UBE2E2: variants seen among roughly 807,000 people sequenced by gnomAD.
UBE2E2 encodes ubiquitin-conjugating enzyme E2 E2.
In UBE2E2, 6 loss-of-function variants were observed where a neutral mutation model predicts 24.7. The ratio of observed to expected loss-of-function variants is 0.24; its 90% confidence interval spans 0.13 to 0.48. The LOEUF is 0.48. Among genes scored for constraint, UBE2E2 ranks in the 20% least tolerant of loss-of-function variants. The pLI is 0.99. For synonymous variants in UBE2E2, 104 were observed against 83.6 expected (o/e 1.24, Z -1.33); for missense variants, 169 against 245.0 (o/e 0.69, Z 2.07).
chr3:23,294,123 C>T (rs765882572), intron 3 of UBE2E2, among the ~76,000 whole-genome samples: 1 of 152,044 alleles, frequency 6.6e-6, no homozygotes, highest in African/African-American at 2.4e-5. Flanking sequence ...AAACTAATTC[C>T]GCAAGAATAA....
At chr3:23,246,241 G>A (rs1185484872) in intron 3 of UBE2E2, among the ~76,000 whole-genome samples, 1 of 24,130 alleles carries the variant, frequency 4.1e-5, no homozygotes, top group African/African-American at 7.9e-4. Context: ...TTTTTTTCGA[G>A]ATGGAGTCTC....
rs150734602 is a variant in UBE2E2 at position 23,588,562 on chromosome 3, A to G, written c.509-1172A>G. The stretch of plus-strand genomic sequence containing the variant: ...CTCTTAAAGTGCTAATATTACAAGC[A>G]TGAGCCACCGTGCCCCAATTTTTTT... On this transcript the variant is annotated intron_variant, in intron 5 of 5. Coordinates refer to ENST00000396703, the MANE Select transcript of UBE2E2 (RefSeq NM_152653.4). Among the ~76,000 whole-genome samples, 267 of 152,142 alleles carry G rather than the reference A, an allele frequency of 1.8e-3. 1 individual carries two copies. The highest frequency in any genetic ancestry group is 6.2e-3 in the African/African-American group (257 of 41,518).
intron 3 of UBE2E2, among the ~76,000 whole-genome samples, chr3:23,255,960 G>T (rs9861406): frequency 1.4e-3 from 209 of 152,284 alleles, no homozygotes; most frequent in Middle Eastern, 0.01. Flanking sequence ...GGGCAACACG[G>T]CAAGACTCTG....
chr3:23,521,725 TG>T (rs1694872534), intron 4 of UBE2E2, among the ~76,000 whole-genome samples: 1 of 152,174 alleles, frequency 6.6e-6, no homozygotes, highest in African/African-American at 2.4e-5. Context: ...TTTGTTTGTT[TG>T]TTTTAGCTCA....
chr3:23,252,519 C>T (rs542115487), intron 3 of UBE2E2, among the ~76,000 whole-genome samples: 14 of 152,094 alleles, frequency 9.2e-5, no homozygotes, highest in East Asian at 1.9e-4. Context: ...TTTTTTGAGA[C>T]GGAGTCTAGC....
rs1454869255 is a variant in UBE2E2 at position 23,589,920 on chromosome 3, CTTATTT to C, written c.*91_*96del. The C allele has an allele frequency of 4.1e-6, 5 of 1,225,064 alleles. No individual in the cohort carries two copies. The African/African-American group carries it at 7.5e-5, about 18-fold the overall frequency. 75.9% of individuals were successfully genotyped at this position (1,225,064 alleles called of 1,614,324 possible). On this transcript the variant is annotated 3_prime_UTR_variant, in exon 6 of 6. Transcript: ENST00000396703. The surrounding 1 kb of genome is among the most constrained non-coding windows in gnomAD (Gnocchi z 4.1). Reference sequence around the variant, plus strand: ...CTGCCCACCCCTCCAGACCTCGGTTCTTATTTTCCTATTTTTATTAAATTTGGAACC... The same window carrying C: ...CTGCCCACCCCTCCAGACCTCGGTTCTCCTATTTTTATTAAATTTGGAACC...
At chr3:23,491,674 T>G (rs1699498944) in intron 3 of UBE2E2, among the ~76,000 whole-genome samples, 1 of 152,182 alleles carries the variant, frequency 6.6e-6, no homozygotes, top group South Asian at 2.1e-4. Flanking sequence ...AGCCAATTCT[T>G]TATGAAAGAC....
intron 5 of UBE2E2, among the ~76,000 whole-genome samples, chr3:23,577,770 C>G (rs576362990): frequency 6.6e-6 from 1 of 152,138 alleles, no homozygotes; most frequent in African/African-American, 2.4e-5. Context: ...AAATCAATGC[C>G]TGGCTACACA....
chr3:23,360,091 C>T (rs1273174672), intron 3 of UBE2E2, among the ~76,000 whole-genome samples: 1 of 152,104 alleles, frequency 6.6e-6, no homozygotes, highest in Non-Finnish European at 1.5e-5. Context: ...GAAATAGTAT[C>T]CCCAAATGGA....
chr3:23,493,532 C>T (rs1248035520), intron 3 of UBE2E2, among the ~76,000 whole-genome samples: 3 of 151,738 alleles, frequency 2.0e-5, no homozygotes, highest in Admixed American at 2.0e-4. Flanking sequence ...GGTTTTTTTT[C>T]TTATTTAAAA....
intron 3 of UBE2E2, among the ~76,000 whole-genome samples, chr3:23,463,084 G>T (rs1698844343): frequency 6.6e-6 from 1 of 152,102 alleles, no homozygotes; most frequent in Non-Finnish European, 1.5e-5. Flanking sequence ...ACGCTAAAAG[G>T]AGATCAGTAA....
chr3:23,498,356 C>T (rs1197994434), intron 3 of UBE2E2, among the ~76,000 whole-genome samples: 7 of 152,014 alleles, frequency 4.6e-5, no homozygotes, highest in Non-Finnish European at 8.8e-5. Context: ...TTTCCTAGTC[C>T]CATCAGTTGA....
intron 3 of UBE2E2, among the ~76,000 whole-genome samples, chr3:23,467,924 T>G (rs1026865028): frequency 6.6e-6 from 1 of 152,030 alleles, no homozygotes; most frequent in Non-Finnish European, 1.5e-5. Context: ...GCTACAAACT[T>G]TCAAACAACC....
In UBE2E2 at chr3:23,441,538, C is replaced by CAAAAAA. The variant is rs147766521; in HGVS notation, c.228-58059_228-58054dup. 2.2e-3 allele frequency among the ~76,000 whole-genome samples: 210 copies of CAAAAAA among 95,770 alleles called. 3 individuals carry two copies. Among genetic ancestry groups the CAAAAAA allele is most frequent in the African/African-American group, 7.3e-3 (196 of 26,696 alleles). 62.8% of individuals were successfully genotyped at this position (95,770 alleles called of 152,430 possible). A position where few individuals can be genotyped will look rare whatever the true frequency, so the allele number is the denominator to read the frequency against. On this transcript the variant is annotated intron_variant, in intron 3 of 5. Coordinates refer to ENST00000396703, the MANE Select transcript of UBE2E2 (RefSeq NM_152653.4). ...TGGGCGACAAAGCGAGACTCCGTCT[C>CAAAAAA]AAAAAAAAAAAAAAAAGAATTGGGT...
chr3:23,227,664 A>G (rs1192904072), intron 3 of UBE2E2, among the ~76,000 whole-genome samples: 1 of 152,176 alleles, frequency 6.6e-6, no homozygotes, highest in Non-Finnish European at 1.5e-5. Flanking sequence ...TTTTGAAGAC[A>G]AAAAACTTTA....
intron 3 of UBE2E2, among the ~76,000 whole-genome samples, chr3:23,335,157 T>C (rs895491268): frequency 6.6e-6 from 1 of 152,188 alleles, no homozygotes; most frequent in African/African-American, 2.4e-5. Flanking sequence ...CAAATATATT[T>C]CCTTAAATAT....
intron 5 of UBE2E2, among the ~76,000 whole-genome samples, chr3:23,561,274 T>A (rs907270007): frequency 6.6e-5 from 10 of 152,256 alleles, no homozygotes; most frequent in African/African-American, 2.2e-4. Flanking sequence ...GGATCCAGTT[T>A]CAGCTTTCTC....
intron 3 of UBE2E2, among the ~76,000 whole-genome samples, chr3:23,351,436 T>A (rs962780519): frequency 6.6e-6 from 1 of 152,138 alleles, no homozygotes; most frequent in African/African-American, 2.4e-5. Context: ...AAAGACAGAC[T>A]GGCAAATTGG....
intron 3 of UBE2E2, among the ~76,000 whole-genome samples, chr3:23,359,970 C>A (rs1397983876): frequency 2.9e-5 from 4 of 137,336 alleles, no homozygotes; most frequent in Non-Finnish European, 6.3e-5. Context: ...CCAGTCCTCT[C>A]TCTTGATGCC....
Sources: allele counts gnomAD v4.1 joint callset (sites outside exome capture counted in the v4.1 genomes callset), GRCh38; gene constraint gnomAD v4.1.1; non-coding constraint Gnocchi (gnomAD v3.1); transcripts MANE v1.5; gene names NCBI Gene and HGNC (gene_info 2026-07-23, HGNC 2026-07-21).